The following SAMD7 variants were observed in gnomAD, a reference collection of about 807,000 sequenced individuals.
SAMD7 encodes sterile alpha motif domain-containing protein 7.
Under a neutral mutation model 36.7 loss-of-function variants are expected in SAMD7, and 34 were observed. That is an observed-to-expected ratio of 0.93 (90% CI 0.71 to 1.23). The LOEUF is 1.23. Ranked by LOEUF, SAMD7 falls within the 50% of genes most tolerant of loss-of-function variation. The probability of loss-of-function intolerance (pLI) is 0.00; values close to 1 mark genes in which losing one functional copy is unlikely to be tolerated. For missense variants in SAMD7, 570 were observed against 546.6 expected, an observed-to-expected ratio of 1.04 and a Z score of -0.43; for synonymous variants, 188 against 189.7, an observed-to-expected ratio of 0.99 and a Z score of 0.07.
At chr3:169,920,133 C>T (rs1350709135) in intron 3 of SAMD7, among the ~76,000 whole-genome samples, 1 of 152,126 alleles carries the variant, frequency 6.6e-6, no homozygotes, top group Admixed American at 6.5e-5. Context: ...GAGATCGTGC[C>T]CTTGCACTCC....
chr3:169,932,423 C>T (rs1713534777), intron 7 of SAMD7: 6 of 619,756 alleles, frequency 9.7e-6, no homozygotes, highest in South Asian at 2.8e-5. Context: ...AACCATATGC[C>T]GGTTATGATA....
Position 169,938,526 on chromosome 3 carries a change from A to G in SAMD7, c.*20A>G. The G allele has an allele frequency of 2.6e-6, 4 of 1,532,546 alleles. No homozygotes were observed. The highest frequency in any genetic ancestry group is 3.6e-6 in the Non-Finnish European group (4 of 1,112,116). The allele number at this position is 1,532,546 out of a possible 1,614,324, so 94.9% of individuals were successfully genotyped here. On this transcript the variant is annotated 3_prime_UTR_variant, in exon 9 of 9. Transcript: ENST00000335556. ...AACTAAAAGCCCTCAAGGAGGAAGA[A>G]TAGTCTTAGCCAGTTTTCCAAAGAG... is the stretch of plus-strand genomic sequence containing the variant.
At chr3:169,919,353 CAA>C in intron 2 of SAMD7, 103 bp from the exon 3 acceptor site, 1 of 651,756 alleles carries the variant, frequency 1.5e-6, no homozygotes, top group South Asian at 1.9e-5. Context: ...CTAGTCTTCC[CAA>C]GTGTTGTGAA....
chr3:169,932,250 AC>A, intron 7 of SAMD7: 1 of 857,772 alleles, frequency 1.2e-6, no homozygotes, highest in Non-Finnish European at 1.9e-6. Flanking sequence ...GTGAAGAGAC[AC>A]CAGAGCTGGG....
At chr3:169,916,616 C>A (rs546599344) in intron 2 of SAMD7, among the ~76,000 whole-genome samples, 1 of 152,254 alleles carries the variant, frequency 6.6e-6, no homozygotes, top group South Asian at 2.1e-4. Flanking sequence ...CCATTGCACT[C>A]CAGCCTGGGC....
rs1713562780 is a variant in SAMD7, at chr3:169,932,744, T to C, written c.1042-3595T>C. ...GGCCAGGACTTACTGAAAAGGCAAA[T>C]TGGCCAGGTGGGAGTATGATGAGCG... On this transcript the variant is annotated intron_variant, in intron 7 of 8. Transcript: ENST00000335556. 9.4e-6 allele frequency: 5 copies of C among 531,570 alleles called. 1 individual carries two copies. Among genetic ancestry groups the C allele is most frequent in the South Asian group, 4.6e-5 (3 of 64,528 alleles). The allele number at this position is 531,570 out of a possible 1,614,324, so 32.9% of individuals were successfully genotyped here. A position where few individuals can be genotyped will look rare whatever the true frequency, so the allele number is the denominator to read the frequency against.
chr3:169,927,584 C>T (rs185593583), intron 6 of SAMD7, among the ~76,000 whole-genome samples: 1 of 151,954 alleles, frequency 6.6e-6, no homozygotes. Context: ...CGTGAGCCAC[C>T]GCGCCCGGCT....
chr3:169,917,538 C>T (rs1030201638), intron 2 of SAMD7, among the ~76,000 whole-genome samples: 7 of 152,072 alleles, frequency 4.6e-5, no homozygotes, highest in South Asian at 2.1e-4. Flanking sequence ...TCAGGGTAAA[C>T]GGCCTATCCA....
chr3:169,926,637 C>A lies in SAMD7; in HGVS notation c.375C>A (p.Pro125=). The A allele has an allele frequency of 1.9e-6, 3 of 1,613,988 alleles. No individual in the cohort carries two copies. The highest frequency in any genetic ancestry group is 2.5e-6 in the Non-Finnish European group (3 of 1,179,960). Residue 125 remains proline, a synonymous_variant, in exon 6 of 9, where the codon CCC becomes CCA. Coordinates refer to ENST00000335556, the MANE Select transcript of SAMD7 (RefSeq NM_001304366.2). ...NPKGLAGLGI[P]FLYGSSVPAA... is the part of the protein sequence containing the mutation. ...AGGGACTAGCAGGCCTAGGGATACC[C>A]TTCCTCTATGGCTCCAGTGTCCCAG...
At chr3:169,933,215 A>G in intron 7 of SAMD7, 1 of 625,914 alleles carries the variant, frequency 1.6e-6, no homozygotes, top group East Asian at 3.1e-5. Context: ...AGAAGACACA[A>G]TGCCTTTCTC....
chr3:169,936,423 G>A lies in SAMD7; in HGVS notation c.1126G>A (p.Gly376Arg), dbSNP rs1308478768. 2 of 1,612,186 alleles carry A rather than the reference G, an allele frequency of 1.2e-6. No individual in the cohort carries two copies. The highest frequency in any genetic ancestry group is 2.2e-5 in the East Asian group (1 of 44,844). The change falls in exon 8 of 9, where the codon GGG becomes AGG. Residue 376 changes from glycine (G) to arginine (R), a missense_variant. By Grantham distance (125) the Gly-to-Arg change is moderately radical. Coordinates refer to ENST00000335556, the MANE Select transcript of SAMD7 (RefSeq NM_001304366.2). ...TCGAGGCACTATGGGATTAAAGCTA[G>A]GGCCGGCACTAAAAATTCAGTCACA... ...HLRGTMGLKLGPALKIQSQVS... is the reference protein window; with the variant it reads ...HLRGTMGLKLRPALKIQSQVS...
intron 7 of SAMD7, chr3:169,932,526 C>T (rs751340386): frequency 3.6e-6 from 2 of 556,398 alleles, no homozygotes; most frequent in South Asian, 3.0e-5. Context: ...CATCTTCAGA[C>T]AGAGATCAAG....
At chr3:169,918,765 A>C (rs950921800) in intron 2 of SAMD7, among the ~76,000 whole-genome samples, 8 of 152,220 alleles carry the variant, frequency 5.3e-5, no homozygotes, top group Non-Finnish European at 8.8e-5. Flanking sequence ...TTATCAACTA[A>C]ATAGGAATAT....
chr3:169,932,119 C>A, intron 7 of SAMD7: 1 of 553,860 alleles, frequency 1.8e-6, no homozygotes, highest in East Asian at 4.0e-5. Context: ...ACTTGATCCC[C>A]TGAGGGCTTT....
rs1713515367 is a variant in SAMD7 at position 169,932,046 on chromosome 3, AT to A, written c.1041+3469del. The stretch of plus-strand genomic sequence containing the variant: ...GCTGTTAGCAATTCCTGTCATCTTT[AT>A]CTTCACCAAAGTTTTCCTGATTGAC... On this transcript the variant is annotated intron_variant, in intron 7 of 8. Coordinates refer to ENST00000335556, the MANE Select transcript of SAMD7 (RefSeq NM_001304366.2). 4.8e-6 allele frequency: 3 copies of A among 624,124 alleles called. No homozygotes were observed. The African/African-American group carries it at 5.7e-5, about 12-fold the overall frequency. 38.7% of individuals were successfully genotyped at this position (624,124 alleles called of 1,614,324 possible).
In SAMD7 at chr3:169,936,441, C is replaced by T. The variant is rs749332091; in HGVS notation, c.1144C>T (p.Gln382Ter). ...AAAGCTAGGGCCGGCACTAAAAATT[C>T]AGTCACAGGTATGGTGATTTTATAT... ...GLKLGPALKI[Q>*]SQVSQHVGSM... Residue 382 changes from glutamine (Q) to a stop codon, truncating the protein, a stop_gained, in exon 8 of 9, where the codon CAG becomes TAG. Coordinates refer to ENST00000335556, the MANE Select transcript of SAMD7 (RefSeq NM_001304366.2). LOFTEE classifies it low-confidence loss of function (END_TRUNC). 37 of 1,591,222 alleles carry T rather than the reference C, an allele frequency of 2.3e-5. No homozygotes were observed. In the Middle Eastern group the frequency reaches 5.0e-4, roughly 21 times the overall value.
intron 4 of SAMD7, among the ~76,000 whole-genome samples, chr3:169,921,621 A>T (rs1213922797): frequency 6.6e-6 from 1 of 152,246 alleles, no homozygotes; most frequent in Non-Finnish European, 1.5e-5. Flanking sequence ...TGATAAAGTT[A>T]TGAGGAGATT....
intron 7 of SAMD7, chr3:169,932,594 T>C: frequency 7.7e-6 from 4 of 521,628 alleles, no homozygotes; most frequent in South Asian, 6.3e-5. Flanking sequence ...CAATACTTGT[T>C]TTTATGGGAA....
At chr3:169,916,684 C>T (rs1163918389) in intron 2 of SAMD7, among the ~76,000 whole-genome samples, 1 of 152,104 alleles carries the variant, frequency 6.6e-6, no homozygotes, top group Non-Finnish European at 1.5e-5. Context: ...CCTGTAACAT[C>T]AAAAATTCTA....
Sources: allele counts gnomAD v4.1 joint callset (sites outside exome capture counted in the v4.1 genomes callset), GRCh38; gene constraint gnomAD v4.1.1; transcripts MANE v1.5; gene names NCBI Gene and HGNC (gene_info 2026-07-23, HGNC 2026-07-21).